Variants in PLCB4 observed in about 807,000 individuals in gnomAD.
PLCB4 encodes 1-phosphatidylinositol 4,5-bisphosphate phosphodiesterase beta-4.
In PLCB4, 77 loss-of-function variants were observed where a neutral mutation model predicts 178.8. The observed-to-expected ratio is 0.43, with a 90% CI of 0.36 to 0.52. The LOEUF (loss-of-function observed/expected upper bound fraction) is 0.52. Ranked by LOEUF, PLCB4 falls within the 20% of genes least tolerant of loss-of-function variation. The probability of loss-of-function intolerance (pLI) is 0.00; values close to 1 mark genes in which losing one functional copy is unlikely to be tolerated. For missense variants in PLCB4, 1,024 were observed against 1,453.4 expected (o/e 0.70, Z 4.80); for synonymous variants, 496 against 490.8 (o/e 1.01, Z -0.14).
chr20:9,248,389 A>G (rs1225839188), intron 3 of PLCB4, among the ~76,000 whole-genome samples: 2 of 152,136 alleles, frequency 1.3e-5, no homozygotes, highest in African/African-American at 2.4e-5. Flanking sequence ...AAAATTGGAA[A>G]TCTTTTATTA....
At position 9,148,740 on chromosome 20, in the gene PLCB4, A is replaced by G. The variant is rs141982200; in HGVS notation, c.-79+52398A>G. On this transcript the variant is annotated intron_variant, in intron 2 of 39. Coordinates refer to ENST00000378473, the MANE Select transcript of PLCB4 (RefSeq NM_001377142.1). The stretch of plus-strand genomic sequence containing the variant: ...TGTGCTACATAAGTAAAATTTTGAT[A>G]ATGAAATCCTAACCATTTAGCACTG... Among the ~76,000 whole-genome samples the G allele has an allele frequency of 2.6e-3, 393 of 152,312 alleles. 2 individuals carry two copies. The highest frequency in any genetic ancestry group is 8.3e-3 in the African/African-American group (344 of 41,570).
chr20:9,283,337 C>G (rs1194106976), intron 3 of PLCB4, among the ~76,000 whole-genome samples: 2 of 151,922 alleles, frequency 1.3e-5, no homozygotes, highest in Non-Finnish European at 2.9e-5. Flanking sequence ...TTTCCCTTGA[C>G]AAAATCCATT....
chr20:9,135,645 A>T (rs1600650949), intron 2 of PLCB4, among the ~76,000 whole-genome samples: 1 of 152,210 alleles, frequency 6.6e-6, no homozygotes, highest in Non-Finnish European at 1.5e-5. Context: ...AAGGTTTGTG[A>T]GTTTTAAAAT....
chr20:9,395,414 A>G, intron 18 of PLCB4, 109 bp from the exon 19 acceptor site: 2 of 733,162 alleles, frequency 2.7e-6, no homozygotes, highest in Non-Finnish European at 4.8e-6. Context: ...GTGCCTGAAC[A>G]TTCTATTTCT....
chr20:9,453,447 C>A lies in PLCB4; in HGVS notation c.2981C>A (p.Ala994Glu), dbSNP rs775286094. 14 of 1,589,382 alleles carry A rather than the reference C, an allele frequency of 8.8e-6. No individual in the cohort carries two copies. The highest frequency in any genetic ancestry group is 1.7e-5 in the Admixed American group (1 of 59,882). Residue 994 changes from alanine (A) to glutamate (E), a missense_variant, in exon 33 of 40, where the codon GCA (alanine) becomes GAA (glutamate). By Grantham distance (107) the Ala-to-Glu change is moderately radical. Transcript: ENST00000378473. Reference protein sequence around the residue: ...KSTHEKILEKAMKKKGGSNCL... With the variant: ...KSTHEKILEKEMKKKGGSNCL... Reference sequence around the variant, plus strand: ...ACTCATGAGAAAATCCTAGAGAAGGCAATGAAGAAGAAGGGGTAATACTGT... The same window carrying A: ...ACTCATGAGAAAATCCTAGAGAAGGAAATGAAGAAGAAGGGGTAATACTGT...
chr20:9,432,008 C>T (rs2041451956), intron 28 of PLCB4, among the ~76,000 whole-genome samples: 1 of 152,124 alleles, frequency 6.6e-6, no homozygotes, highest in African/African-American at 2.4e-5. Context: ...CTAAATTCAT[C>T]TTTTTATAGA....
chr20:9,400,917 A>G (rs1340750572), intron 19 of PLCB4, among the ~76,000 whole-genome samples: 1 of 152,196 alleles, frequency 6.6e-6, no homozygotes, highest in East Asian at 1.9e-4. Flanking sequence ...TGAGCCTGAC[A>G]AATGAGCCCT....
intron 25 of PLCB4, among the ~76,000 whole-genome samples, chr20:9,413,500 A>G (rs565659583): frequency 6.6e-6 from 1 of 152,058 alleles, no homozygotes; most frequent in South Asian, 2.1e-4. Context: ...TCTACTAAAA[A>G]TACAAAAAAT....
chr20:9,069,422 C>T (rs2089452411), intron 1 of PLCB4, among the ~76,000 whole-genome samples: 1 of 152,192 alleles, frequency 6.6e-6, no homozygotes, highest in African/African-American at 2.4e-5. Context: ...TCATCGCCTG[C>T]TGGGTTTCCT....
intron 1 of PLCB4, among the ~76,000 whole-genome samples, chr20:9,087,335 G>A (rs555531346): frequency 9.9e-5 from 15 of 152,130 alleles, no homozygotes; most frequent in African/African-American, 2.4e-4. Flanking sequence ...TACATAGGTT[G>A]TATACATAGT....
At chr20:9,325,456 A>G (rs1354447224) in intron 4 of PLCB4, among the ~76,000 whole-genome samples, 1 of 152,174 alleles carries the variant, frequency 6.6e-6, no homozygotes, top group African/African-American at 2.4e-5. Flanking sequence ...TAGTTGTTGA[A>G]TATTTTAGGA....
chr20:9,079,084 A>C (rs1224669768), intron 1 of PLCB4, among the ~76,000 whole-genome samples: 1 of 152,212 alleles, frequency 6.6e-6, no homozygotes, highest in African/African-American at 2.4e-5. Context: ...GAAACCTTGC[A>C]TATTCAAGAA....
intron 2 of PLCB4, among the ~76,000 whole-genome samples, chr20:9,195,072 A>G (rs1242093354): frequency 6.6e-6 from 1 of 152,200 alleles, no homozygotes; most frequent in East Asian, 1.9e-4. Context: ...TTTAGTCTAG[A>G]AAAATAGGGT....
rs150630342 is a variant in PLCB4, at chr20:9,416,036, T to G, written c.2052-3771T>G. On this transcript the variant is annotated intron_variant, in intron 25 of 39. Transcript: ENST00000378473. Reference sequence around the variant, plus strand: ...GTCCTATCCCAGGCCAGGGCTTATCTCATGGTCCTGACAAGCTTCTGCATA... The same window carrying G: ...GTCCTATCCCAGGCCAGGGCTTATCGCATGGTCCTGACAAGCTTCTGCATA... Among the ~76,000 whole-genome samples, 921 of 152,314 alleles carry G rather than the reference T, an allele frequency of 6.0e-3. 8 individuals are homozygous for G. Among genetic ancestry groups the G allele is most frequent in the African/African-American group, 0.021 (877 of 41,572 alleles).
At chr20:9,464,758 A>G (rs1406266486) in intron 35 of PLCB4, among the ~76,000 whole-genome samples, 3 of 152,200 alleles carry the variant, frequency 2.0e-5, no homozygotes, top group Admixed American at 1.3e-4. Context: ...TGAATAGACC[A>G]ATAACAGGCT....
intron 20 of PLCB4, among the ~76,000 whole-genome samples, chr20:9,402,716 G>T (rs1177929869): frequency 1.3e-5 from 2 of 152,116 alleles, no homozygotes; most frequent in Non-Finnish European, 2.9e-5. Context: ...TGAGAAATGG[G>T]ACAGCCTACT....
chr20:9,232,349 A>C (rs142777238), intron 3 of PLCB4, among the ~76,000 whole-genome samples: 123 of 152,270 alleles, frequency 8.1e-4, no homozygotes, highest in African/African-American at 2.9e-3. Context: ...ACCCTAGAAC[A>C]ATATAAAATC....
At chr20:9,176,035 C>T (rs2093148894) in intron 2 of PLCB4, among the ~76,000 whole-genome samples, 1 of 152,116 alleles carries the variant, frequency 6.6e-6, no homozygotes, top group African/African-American at 2.4e-5. Context: ...CCCCTTGGCC[C>T]CAGGCAACTA....
At chr20:9,075,990 G>C (rs2089843972) in intron 1 of PLCB4, among the ~76,000 whole-genome samples, 2 of 152,014 alleles carry the variant, frequency 1.3e-5, no homozygotes, top group South Asian at 4.1e-4. Context: ...AATTTTTTTG[G>C]CTGTAAAATT....
Sources: gnomAD v4.1 joint callset for allele counts (sites outside exome capture counted in the v4.1 genomes callset) on GRCh38, gnomAD v4.1.1 for gene constraint, MANE v1.5 for transcripts, NCBI Gene and HGNC (gene_info 2026-07-23, HGNC 2026-07-21) for gene names.